The following VWA8 variants were observed in gnomAD, a reference collection of about 807,000 sequenced individuals.
The protein encoded by VWA8 is von Willebrand factor A domain containing 8, also known as von Willebrand factor A domain-containing protein 8.
VWA8 carries 221 observed loss-of-function variants against 241.5 expected under a neutral mutation model. That is an observed-to-expected ratio of 0.91 (90% CI 0.82 to 1.02). The LOEUF is 1.02. Among genes scored for constraint, VWA8 ranks in the 50% least tolerant of loss-of-function variants. The pLI is 0.00. For missense variants in VWA8, 2,322 were observed against 2,328.7 expected, an observed-to-expected ratio of 1.00 and a Z score of 0.06; for synonymous variants, 852 against 827.1, an observed-to-expected ratio of 1.03 and a Z score of -0.52.
intron 2 of VWA8, among the ~76,000 whole-genome samples, chr13:41,918,336 ATAT>A (rs1037545834): frequency 2.7e-4 from 41 of 152,226 alleles, no homozygotes; most frequent in Admixed American, 1.9e-3. Context: ...CACAGAGAAG[ATAT>A]TCAGCTTTTC....
intron 9 of VWA8, among the ~76,000 whole-genome samples, chr13:41,870,521 C>G (rs2138056874): frequency 6.6e-6 from 1 of 151,914 alleles, no homozygotes; most frequent in South Asian, 2.1e-4. Context: ...TGCCTGTAAT[C>G]CCAGCTACTC....
At chr13:41,722,636 C>T (rs1347128328) in intron 24 of VWA8, among the ~76,000 whole-genome samples, 1 of 152,082 alleles carries the variant, frequency 6.6e-6, no homozygotes, top group Non-Finnish European at 1.5e-5. Flanking sequence ...ACAATTGACC[C>T]CTCATTCATT....
chr13:41,627,130 A>T (rs1343165196), intron 37 of VWA8, among the ~76,000 whole-genome samples: 1 of 152,178 alleles, frequency 6.6e-6, no homozygotes, highest in Non-Finnish European at 1.5e-5. Flanking sequence ...TCAAAAGAAG[A>T]TGTACACGTG....
intron 21 of VWA8, among the ~76,000 whole-genome samples, chr13:41,749,271 C>T (rs900999120): frequency 1.1e-4 from 17 of 152,168 alleles, no homozygotes; most frequent in Non-Finnish European, 7.3e-5. Flanking sequence ...TCATCACTGG[C>T]CATCAGAGAA....
At chr13:41,733,446 G>A (rs895405560) in intron 21 of VWA8, among the ~76,000 whole-genome samples, 2 of 152,136 alleles carry the variant, frequency 1.3e-5, no homozygotes, top group Admixed American at 6.5e-5. Flanking sequence ...CCACCCAAAA[G>A]GATTGCTGAT....
At chr13:41,758,503 T>C (rs2045715786) in intron 21 of VWA8, among the ~76,000 whole-genome samples, 1 of 144,762 alleles carries the variant, frequency 6.9e-6, no homozygotes, top group Non-Finnish European at 1.5e-5. Context: ...TCCATATATA[T>C]GGAATATATG....
chr13:41,882,925 A>G (rs1874332617), intron 9 of VWA8, among the ~76,000 whole-genome samples: 1 of 152,134 alleles, frequency 6.6e-6, no homozygotes, highest in African/African-American at 2.4e-5. Context: ...ATGTGTATGT[A>G]TACATATACA....
chr13:41,635,513 G>C (rs1407536431), intron 37 of VWA8, among the ~76,000 whole-genome samples: 1 of 152,196 alleles, frequency 6.6e-6, no homozygotes, highest in Non-Finnish European at 1.5e-5. Flanking sequence ...TTGCCGGTTA[G>C]TCTGCACACC....
At chr13:41,681,162 G>A (rs754383178) in intron 35 of VWA8, among the ~76,000 whole-genome samples, 9 of 152,174 alleles carry the variant, frequency 5.9e-5, no homozygotes, top group Non-Finnish European at 1.3e-4. Flanking sequence ...ATCCTGTTAG[G>A]TTTGTTCAGC....
intron 38 of VWA8, among the ~76,000 whole-genome samples, chr13:41,613,252 TATTA>T (rs2044601010): frequency 6.6e-6 from 1 of 152,204 alleles, no homozygotes; most frequent in South Asian, 2.1e-4. Context: ...GAGAACTGCC[TATTA>T]ATTACACTAC....
At chr13:41,606,073 T>C (rs1002726464) in intron 39 of VWA8, among the ~76,000 whole-genome samples, 1 of 152,100 alleles carries the variant, frequency 6.6e-6, no homozygotes, top group Non-Finnish European at 1.5e-5. Context: ...AAGACTCAAG[T>C]CAATGATTGC....
chr13:41,948,448 T>A (rs1237495497), intron 2 of VWA8, among the ~76,000 whole-genome samples: 1 of 152,154 alleles, frequency 6.6e-6, no homozygotes, highest in Non-Finnish European at 1.5e-5. Flanking sequence ...AACAGTATGG[T>A]TGTACAACTC....
intron 16 of VWA8, 142 bp downstream of exon 16, chr13:41,816,556 G>T: frequency 1.5e-6 from 1 of 683,850 alleles, no homozygotes; most frequent in Non-Finnish European, 2.4e-6. Context: ...TAAACCATAT[G>T]CATAGAACAA....
intron 20 of VWA8, among the ~76,000 whole-genome samples, chr13:41,762,234 A>G (rs2045745944): frequency 6.6e-6 from 1 of 152,126 alleles, no homozygotes; most frequent in South Asian, 2.1e-4. Context: ...ATTTCAGATA[A>G]GGGACACTTA....
intron 37 of VWA8, among the ~76,000 whole-genome samples, chr13:41,638,656 A>G (rs2044774962): frequency 6.6e-6 from 1 of 152,190 alleles, no homozygotes; most frequent in African/African-American, 2.4e-5. Flanking sequence ...AGCAGGAACA[A>G]TTTTGCAGAT....
chr13:41,904,851 T>G (rs2138103232), intron 4 of VWA8, among the ~76,000 whole-genome samples: 1 of 152,152 alleles, frequency 6.6e-6, no homozygotes, highest in East Asian at 1.9e-4. Flanking sequence ...AGAAGTTCAG[T>G]GGAAATGATC....
At chr13:41,589,852 C>A (rs9566801) in intron 41 of VWA8, among the ~76,000 whole-genome samples, 1 of 151,962 alleles carries the variant, frequency 6.6e-6, no homozygotes, top group Admixed American at 6.6e-5. Flanking sequence ...CCATTTACTA[C>A]CCCCGTAAAA....
intron 29 of VWA8, among the ~76,000 whole-genome samples, chr13:41,696,536 G>C (rs939597362): frequency 2.0e-5 from 3 of 152,078 alleles, no homozygotes; most frequent in Non-Finnish European, 4.4e-5. Flanking sequence ...TTTAATTCTG[G>C]TAGGGTCAAT....
intron 2 of VWA8, among the ~76,000 whole-genome samples, chr13:41,914,620 T>C (rs1876167382): frequency 6.6e-6 from 1 of 152,226 alleles, no homozygotes; most frequent in Admixed American, 6.5e-5. Context: ...CTATTACCTC[T>C]TCCTACTCTG....
Sources: gnomAD v4.1 joint callset for allele counts (sites outside exome capture counted in the v4.1 genomes callset) on GRCh38, gnomAD v4.1.1 for gene constraint, MANE v1.5 for transcripts, NCBI Gene and HGNC (gene_info 2026-07-23, HGNC 2026-07-21) for gene names.